The following CRISPLD1 variants were observed in gnomAD, a reference collection of about 807,000 sequenced individuals.
CRISPLD1 encodes the protein cysteine rich secretory protein LCCL domain containing 1.
CRISPLD1 carries 60 observed loss-of-function variants against 77.5 expected under a neutral mutation model. The ratio of observed to expected loss-of-function variants is 0.77; its 90% CI spans 0.63 to 0.96. The LOEUF is 0.96. Among genes scored for constraint, CRISPLD1 ranks in the 40% least tolerant of loss-of-function variants. The probability of loss-of-function intolerance (pLI) is 0.00; values close to 1 mark genes in which losing one functional copy is unlikely to be tolerated. For missense variants in CRISPLD1, 623 were observed against 615.8 expected (o/e 1.01, Z -0.12); for synonymous variants, 195 against 200.1 (o/e 0.97, Z 0.22).
chr8:75,024,184 A>G (rs1587028277), intron 12 of CRISPLD1, among the ~76,000 whole-genome samples: 2 of 152,192 alleles, frequency 1.3e-5, no homozygotes, highest in Non-Finnish European at 2.9e-5. Context: ...AGTAAGATAT[A>G]AAGTTGGAAA....
intron 10 of CRISPLD1, 126 bp from the exon 11 acceptor site, chr8:75,019,744 A>T: frequency 1.5e-6 from 1 of 684,178 alleles, no homozygotes; most frequent in Non-Finnish European, 2.5e-6. Context: ...TTATATTGCT[A>T]CTTGTCTATT....
chr8:75,018,843 C>T (rs1813083687), intron 10 of CRISPLD1, among the ~76,000 whole-genome samples: 1 of 152,150 alleles, frequency 6.6e-6, no homozygotes, highest in Non-Finnish European at 1.5e-5. Flanking sequence ...CCACCAGCCT[C>T]AGCCTCCCAT....
chr8:74,990,297 A>G (rs1473459081), intron 2 of CRISPLD1, among the ~76,000 whole-genome samples: 1 of 148,192 alleles, frequency 6.7e-6, no homozygotes, highest in African/African-American at 2.4e-5. Context: ...AAAAAAAAAA[A>G]GAAAACAAAC....
intron 2 of CRISPLD1, among the ~76,000 whole-genome samples, chr8:74,996,034 T>TTATATATATA (rs10588040): frequency 6.9e-6 from 1 of 145,622 alleles, no homozygotes; most frequent in South Asian, 2.2e-4. Context: ...GGTCATTGCT[T>TTATATATATA]TATATATATA....
intron 2 of CRISPLD1, among the ~76,000 whole-genome samples, chr8:74,986,745 G>A (rs1417449973): frequency 6.6e-6 from 1 of 152,186 alleles, no homozygotes; most frequent in East Asian, 1.9e-4. Context: ...GTTGAAGAGT[G>A]CTTTGGCAAT....
In CRISPLD1 at chr8:75,033,893, A is replaced by T. The variant is rs1813398567; in HGVS notation, c.*1651A>T. On this transcript the variant is annotated 3_prime_UTR_variant, in exon 15 of 15. Transcript: ENST00000262207. ...TTTTATGGGAACTTTTTTCGAAAGGATACATGACCACCTTCTTAAATAGTA... is the reference window on the plus strand; with the variant it reads ...TTTTATGGGAACTTTTTTCGAAAGGTTACATGACCACCTTCTTAAATAGTA... 1 of 151,996 alleles carries T rather than the reference A, an allele frequency of 6.6e-6. No homozygotes were observed. The highest frequency in any genetic ancestry group is 1.5e-5 in the Non-Finnish European group (1 of 67,902). The allele number at this position is 151,996 out of a possible 1,614,324, so 9.4% of individuals were successfully genotyped here. A position where few individuals can be genotyped will look rare whatever the true frequency, so the allele number is the denominator to read the frequency against.
Position 75,032,205 on chromosome 8 carries a change from C to CA in CRISPLD1, c.1467dup (p.Gly490ArgfsTer34). On this transcript the variant is annotated frameshift_variant, in exon 15 of 15. Transcript: ENST00000262207. LOFTEE classifies it high-confidence loss of function. ...TTTTTTTGCAGTTTACAGAATCCTC[C>CA]AGGAGGAAAGGCATTCAGAGTGTTT... The CA allele has an allele frequency of 6.2e-7, 1 of 1,607,000 alleles. No homozygotes were observed. The highest frequency in any genetic ancestry group is 8.5e-7 in the Non-Finnish European group (1 of 1,175,680).
At chr8:74,997,875 T>C (rs2128781957) in intron 2 of CRISPLD1, among the ~76,000 whole-genome samples, 1 of 152,308 alleles carries the variant, frequency 6.6e-6, no homozygotes, top group East Asian at 1.9e-4. Context: ...ATTTCAGTGG[T>C]GAGGAATGCT....
At chr8:74,997,465 C>A (rs1403799368) in intron 2 of CRISPLD1, among the ~76,000 whole-genome samples, 5 of 152,092 alleles carry the variant, frequency 3.3e-5, no homozygotes, top group Non-Finnish European at 7.4e-5. Flanking sequence ...TTCTTTTTGG[C>A]TGAAGTTTGA....
intron 14 of CRISPLD1, among the ~76,000 whole-genome samples, chr8:75,029,875 T>G (rs1813302743): frequency 6.6e-6 from 1 of 152,190 alleles, no homozygotes; most frequent in South Asian, 2.1e-4. Flanking sequence ...ACAGAATATT[T>G]CTCTAATCCA....
At position 75,013,035 on chromosome 8, in the gene CRISPLD1, G is replaced by A. The variant is rs201583125; in HGVS notation, c.510+13G>A. On this transcript the variant is annotated intron_variant, in intron 4 of 14. Transcript: ENST00000262207. ...ACATTATACACAGGTATGTTTGGGGGGTATTATACTTAATTCCCCCAAATT... is the reference window on the plus strand; with the variant it reads ...ACATTATACACAGGTATGTTTGGGGAGTATTATACTTAATTCCCCCAAATT... 11 of 1,515,554 alleles carry A rather than the reference G, an allele frequency of 7.3e-6. No individual in the cohort carries two copies. The Admixed American group carries it at 1.3e-4, about 19-fold the overall frequency. The allele number at this position is 1,515,554 out of a possible 1,614,324, so 93.9% of individuals were successfully genotyped here.
intron 14 of CRISPLD1, among the ~76,000 whole-genome samples, chr8:75,031,291 CTCTT>C (rs763994137): frequency 1.3e-5 from 2 of 151,884 alleles, no homozygotes; most frequent in Non-Finnish European, 2.9e-5. Flanking sequence ...TTCACTTTGT[CTCTT>C]TCTTAGTATT....
Position 75,025,534 on chromosome 8 carries a change from T to A in CRISPLD1, c.1245-12T>A. 7.4e-7 allele frequency: 1 copy of A among 1,342,798 alleles called. No individual in the cohort carries two copies. Among genetic ancestry groups the A allele is most frequent in the African/African-American group, 1.5e-5 (1 of 68,928 alleles). The allele number at this position is 1,342,798 out of a possible 1,614,324, so 83.2% of individuals were successfully genotyped here. A position where few individuals can be genotyped will look rare whatever the true frequency, so the allele number is the denominator to read the frequency against. ...CTTACTTAATATATATATAATATATTATTTTTTTCAGAGTATACTGTCCTC... is the reference window on the plus strand; with the variant it reads ...CTTACTTAATATATATATAATATATAATTTTTTTCAGAGTATACTGTCCTC... On this transcript the variant is annotated splice_polypyrimidine_tract_variant and intron_variant, in intron 12 of 14. Transcript: ENST00000262207.
Position 75,025,629 on chromosome 8 carries a change from TC to T in CRISPLD1, c.1320+10del. The stretch of plus-strand genomic sequence containing the variant: ...ACTCGAGTTTATTCTGATGTAAGTA[TC>T]CTAATTTATACAGCTGTCAACATTC... On this transcript the variant is annotated intron_variant, in intron 13 of 14. Transcript: ENST00000262207. 6.9e-7 allele frequency: 1 copy of T among 1,455,428 alleles called. No homozygotes were observed. The highest frequency in any genetic ancestry group is 9.6e-7 in the Non-Finnish European group (1 of 1,039,158). The allele number at this position is 1,455,428 out of a possible 1,614,324, so 90.2% of individuals were successfully genotyped here.
intron 10 of CRISPLD1, among the ~76,000 whole-genome samples, chr8:75,017,871 A>G (rs931522980): frequency 6.6e-6 from 1 of 152,196 alleles, no homozygotes; most frequent in Non-Finnish European, 1.5e-5. Flanking sequence ...GAGCATTTTG[A>G]AAAGTTCTCT....
At chr8:75,020,156 C>A in intron 12 of CRISPLD1, 77 bp downstream of exon 12, 3 of 1,178,136 alleles carry the variant, frequency 2.5e-6, no homozygotes, top group South Asian at 2.5e-5. Context: ...CTCTGGGATT[C>A]AAAAGTTGTA....
intron 13 of CRISPLD1, among the ~76,000 whole-genome samples, chr8:75,028,700 C>A (rs1813278449): frequency 6.6e-6 from 1 of 152,138 alleles, no homozygotes; most frequent in African/African-American, 2.4e-5. Context: ...GATTATATGA[C>A]TAGTGCAATG....
chr8:75,004,775 G>A (rs1014321434), intron 2 of CRISPLD1, among the ~76,000 whole-genome samples: 1 of 152,096 alleles, frequency 6.6e-6, no homozygotes, highest in African/African-American at 2.4e-5. Flanking sequence ...GTATGTCTTT[G>A]ATTTTCTCAA....
At chr8:74,997,277 G>A (rs1812660743) in intron 2 of CRISPLD1, among the ~76,000 whole-genome samples, 1 of 152,164 alleles carries the variant, frequency 6.6e-6, no homozygotes, top group African/African-American at 2.4e-5. Context: ...AAGGTGAGTG[G>A]TTCCACGGTA....
Sources: gnomAD v4.1 joint callset for allele counts (sites outside exome capture counted in the v4.1 genomes callset) on GRCh38, gnomAD v4.1.1 for gene constraint, MANE v1.5 for transcripts, NCBI Gene and HGNC (gene_info 2026-07-23, HGNC 2026-07-21) for gene names.